SPIDR: variants seen among roughly 807,000 people sequenced by gnomAD.
The protein encoded by SPIDR is DNA repair-scaffolding protein.
In SPIDR, 93 loss-of-function variants were observed where a neutral mutation model predicts 104.6. The observed-to-expected ratio is 0.89, with a 90% CI of 0.75 to 1.06. The LOEUF (loss-of-function observed/expected upper bound fraction) is 1.06. Ranked by LOEUF, SPIDR falls within the 50% of genes least tolerant of loss-of-function variation. The pLI, the probability that SPIDR is intolerant of heterozygous loss-of-function variation, is 0.00. For synonymous variants in SPIDR, 431 were observed against 416.9 expected (o/e 1.03, Z -0.41); for missense variants, 1,154 against 1,111.2 (o/e 1.04, Z -0.55).
At position 47,275,031 on chromosome 8, in the gene SPIDR, G is replaced by A. The variant is rs1361543615; in HGVS notation, c.34-4831G>A. 1.3e-4 allele frequency among the ~76,000 whole-genome samples: 19 copies of A among 151,476 alleles called. 1 individual carries two copies. Among genetic ancestry groups the A allele is most frequent in the African/African-American group, 2.4e-4 (10 of 41,400 alleles). ...TCCCAGCACTTTGGGAGGCCGAGGCGGGTGGATCACGAGGTCAGGAGATCG... is the reference window on the plus strand; with the variant it reads ...TCCCAGCACTTTGGGAGGCCGAGGCAGGTGGATCACGAGGTCAGGAGATCG... On this transcript the variant is annotated intron_variant, in intron 1 of 19. Coordinates refer to ENST00000297423, the MANE Select transcript of SPIDR (RefSeq NM_001080394.4).
intron 8 of SPIDR, among the ~76,000 whole-genome samples, chr8:47,501,720 C>T (rs910679825): frequency 5.9e-5 from 9 of 152,194 alleles, no homozygotes; most frequent in African/African-American, 1.2e-4. Context: ...CTGTCTTGTG[C>T]GAGTTTTCAA....
At chr8:47,375,306 A>G (rs961282699) in intron 5 of SPIDR, among the ~76,000 whole-genome samples, 8 of 133,432 alleles carry the variant, frequency 6.0e-5, no homozygotes, top group Admixed American at 9.2e-5. Flanking sequence ...CAGTGGTTCA[A>G]TCGTGGCTCA....
rs755136895 is a variant in SPIDR, at chr8:47,712,754, C to T, written c.2070C>T (p.Leu690=). 1.7e-5 allele frequency: 28 copies of T among 1,614,138 alleles called. No individual in the cohort carries two copies. Among genetic ancestry groups the T allele is most frequent in the East Asian group, 1.1e-4 (5 of 44,888 alleles). The change falls in exon 15 of 20, where the codon CTC becomes CTT. Residue 690 remains leucine, a synonymous_variant. Coordinates refer to ENST00000297423, the MANE Select transcript of SPIDR (RefSeq NM_001080394.4). ...LQTKEERDPR[L]PKTLLVYVAP... is the part of the protein sequence containing the mutation. ...CGAAGGAGGAGAGAGACCCCAGGCT[C>T]CCCAAAACCCTGCTGGTCTATGTGG...
chr8:47,350,332 AAGAT>A (rs1445203763), intron 5 of SPIDR, among the ~76,000 whole-genome samples: 14 of 152,180 alleles, frequency 9.2e-5, no homozygotes, highest in African/African-American at 1.7e-4. Flanking sequence ...TCATAAATAA[AAGAT>A]AGAGTCTCGC....
At chr8:47,387,354 ATGGAATGCTC>A (rs2060077660) in intron 5 of SPIDR, among the ~76,000 whole-genome samples, 1 of 152,154 alleles carries the variant, frequency 6.6e-6, no homozygotes, top group African/African-American at 2.4e-5. Flanking sequence ...TCTTAAGAGC[ATGGAATGCTC>A]TGACTTAGGT....
At chr8:47,579,789 G>A (rs1342316527) in intron 8 of SPIDR, among the ~76,000 whole-genome samples, 1 of 151,992 alleles carries the variant, frequency 6.6e-6, no homozygotes, top group Non-Finnish European at 1.5e-5. Context: ...CTAGCCAACT[G>A]CCCCGTCAGT....
chr8:47,397,206 A>G (rs2061340472), intron 6 of SPIDR, among the ~76,000 whole-genome samples: 2 of 152,138 alleles, frequency 1.3e-5, no homozygotes. Context: ...CAATGAAGGT[A>G]AGAAAGAGAG....
intron 8 of SPIDR, among the ~76,000 whole-genome samples, chr8:47,512,763 A>C (rs1397008807): frequency 6.6e-6 from 1 of 152,210 alleles, no homozygotes; most frequent in Non-Finnish European, 1.5e-5. Context: ...GTTTATAATC[A>C]AAGTATTGCG....
chr8:47,465,617 C>T (rs561004352), intron 8 of SPIDR, among the ~76,000 whole-genome samples: 22 of 152,238 alleles, frequency 1.4e-4, no homozygotes, highest in African/African-American at 5.3e-4. Context: ...TGTCTGTAAT[C>T]CCAGCTACTG....
At chr8:47,443,041 C>T (rs1219824844) in intron 8 of SPIDR, among the ~76,000 whole-genome samples, 1 of 152,024 alleles carries the variant, frequency 6.6e-6, no homozygotes, top group Non-Finnish European at 1.5e-5. Context: ...AGGACATTTT[C>T]TTGGGCTTAT....
chr8:47,351,924 C>T (rs2053571788), intron 5 of SPIDR, among the ~76,000 whole-genome samples: 1 of 152,078 alleles, frequency 6.6e-6, no homozygotes. Context: ...TGAGGGATAA[C>T]TGTATATTAT....
chr8:47,629,523 C>T (rs992386555), intron 10 of SPIDR, among the ~76,000 whole-genome samples: 5 of 152,274 alleles, frequency 3.3e-5, no homozygotes, highest in African/African-American at 1.2e-4. Context: ...GAGGCCGAGG[C>T]AGGTGGATCA....
At chr8:47,654,362 TAGAC>T (rs2072290196) in intron 10 of SPIDR, among the ~76,000 whole-genome samples, 1 of 152,114 alleles carries the variant, frequency 6.6e-6, no homozygotes. Flanking sequence ...GGAGGGAAAA[TAGAC>T]AGGTTACAGC....
intron 8 of SPIDR, among the ~76,000 whole-genome samples, chr8:47,583,719 T>C (rs2059980877): frequency 6.6e-6 from 1 of 152,216 alleles, no homozygotes; most frequent in Non-Finnish European, 1.5e-5. Context: ...AGAAACTTGA[T>C]GATGTGATAG....
chr8:47,468,880 C>T (rs1397883466), intron 8 of SPIDR, among the ~76,000 whole-genome samples: 1 of 152,100 alleles, frequency 6.6e-6, no homozygotes, highest in Non-Finnish European at 1.5e-5. Flanking sequence ...GCAAAAGAAA[C>T]TATCAACAGA....
intron 19 of SPIDR, among the ~76,000 whole-genome samples, chr8:47,734,941 G>T (rs1009894157): frequency 6.6e-6 from 1 of 152,232 alleles, no homozygotes; most frequent in Non-Finnish European, 1.5e-5. Context: ...CTAGATTGAG[G>T]AAGTGTCCTA....
intron 10 of SPIDR, among the ~76,000 whole-genome samples, chr8:47,662,860 A>G (rs986507109): frequency 6.6e-6 from 1 of 152,224 alleles, no homozygotes; most frequent in Non-Finnish European, 1.5e-5. Flanking sequence ...CTTCCGCTAT[A>G]GGAGGTTGCT....
At chr8:47,730,043 CCA>C (rs1243269973) in intron 19 of SPIDR, among the ~76,000 whole-genome samples, 1 of 152,118 alleles carries the variant, frequency 6.6e-6, no homozygotes, top group East Asian at 1.9e-4. Context: ...GATTACAGCA[CCA>C]CAGTCTTCAG....
intron 8 of SPIDR, among the ~76,000 whole-genome samples, chr8:47,466,243 A>T (rs782566137): frequency 6.6e-6 from 1 of 152,194 alleles, no homozygotes; most frequent in Non-Finnish European, 1.5e-5. Flanking sequence ...TACATAGCAC[A>T]TACTCTAAGA....
Sources: gnomAD v4.1 joint callset for allele counts (sites outside exome capture counted in the v4.1 genomes callset) on GRCh38, gnomAD v4.1.1 for gene constraint, MANE v1.5 for transcripts, NCBI Gene and HGNC (gene_info 2026-07-23, HGNC 2026-07-21) for gene names.